Variants in SELENOP observed in about 807,000 individuals in gnomAD.
SELENOP encodes the protein selenoprotein P, plasma, 1.
Under a neutral mutation model 41.0 loss-of-function variants are expected in SELENOP, and 36 were observed. The observed-to-expected ratio is 0.88, with a 90% CI of 0.67 to 1.16. The LOEUF is 1.16. Among genes scored for constraint, SELENOP ranks in the 50% most tolerant of loss-of-function variants. The pLI is 0.00. For missense variants in SELENOP, 440 were observed against 454.2 expected, an observed-to-expected ratio of 0.97 and a Z score of 0.28; for synonymous variants, 144 against 150.8, an observed-to-expected ratio of 0.95 and a Z score of 0.33.
At chr5:42,801,486 T>A in intron 4 of SELENOP, 155 bp from the exon 5 acceptor site, 1 of 576,610 alleles carries the variant, frequency 1.7e-6, no homozygotes, top group East Asian at 2.9e-5. Flanking sequence ...CTGATGTTAG[T>A]CTCAACACCT....
At chr5:42,809,063 C>T (rs1760404806) in intron 1 of SELENOP, among the ~76,000 whole-genome samples, 1 of 152,074 alleles carries the variant, frequency 6.6e-6, no homozygotes. Context: ...TGGCTCATGT[C>T]GGGCCCTTAG....
chr5:42,804,700 T>G lies in SELENOP; in HGVS notation c.490A>C (p.Lys164Gln), dbSNP rs776453322. 2 of 1,610,230 alleles carry G rather than the reference T, an allele frequency of 1.2e-6. No homozygotes were observed. The highest frequency in any genetic ancestry group is 2.7e-5 in the African/African-American group (2 of 74,778). The change falls in exon 4 of 5, where the codon AAG becomes CAG. Residue 164 changes from lysine to glutamine, a missense_variant. Coordinates refer to ENST00000514985, the MANE Select transcript of SELENOP (RefSeq NM_005410.4). ...LTFPYVEEAI[K>Q]IAYCEKKCGN... is the part of the protein sequence containing the mutation. ...CATTTCTTTTCACAGTAAGCAATCT[T>G]AATGGCTTCTTCTACATATGGGAAA...
rs761109893 is a variant in SELENOP, at chr5:42,806,928, A to G, written c.384T>C (p.Asn128=). The change falls in exon 3 of 5, where the codon AAT becomes AAC. Residue 128 remains asparagine, a synonymous_variant. Coordinates refer to ENST00000514985, the MANE Select transcript of SELENOP (RefSeq NM_005410.4). ...ATATGAGGAAGTCATCTTTGCTTCC[A>G]TTTAAAAGAGTCCAGACATCTGTTT... ...ENQTDVWTLL[N]GSKDDFLIYD... 1 of 1,610,930 alleles carries G rather than the reference A, an allele frequency of 6.2e-7. No individual in the cohort carries two copies. Among genetic ancestry groups the G allele is most frequent in the African/African-American group, 1.3e-5 (1 of 75,024 alleles).
chr5:42,806,965 T>G lies in SELENOP; in HGVS notation c.347A>C (p.Gln116Pro), dbSNP rs1213435398. Residue 116 changes from glutamine (Q) to proline (P), a missense_variant, in exon 3 of 5, where the codon CAA becomes CCA. Gln to Pro is a moderately conservative substitution (Grantham distance 76). Transcript: ENST00000514985. ...CCAGACATCTGTTTGGTTTTCTTCT[T>G]GTTGATAAACAGGAATATGCTCTGA... ...KVSEHIPVYQQEENQTDVWTL... is the reference protein window; with the variant it reads ...KVSEHIPVYQPEENQTDVWTL... 6.2e-7 allele frequency: 1 copy of G among 1,612,472 alleles called. No individual in the cohort carries two copies. Among genetic ancestry groups the G allele is most frequent in the South Asian group, 1.1e-5 (1 of 90,942 alleles).
At position 42,800,769 on chromosome 5, in the gene SELENOP, C is replaced by G; in HGVS notation, c.1097G>C (p.Ser366Thr). Residue 366 changes from serine to threonine, a missense_variant, in exon 5 of 5, where the codon AGT becomes ACT. Coordinates refer to ENST00000514985, the MANE Select transcript of SELENOP (RefSeq NM_005410.4). ...TTTTGCCTGATTCTTTCAGCGTCAACTGGCACTGGCTTCTGTGGGTATAAG... is the reference window on the plus strand; with the variant it reads ...TTTTGCCTGATTCTTTCAGCGTCAAGTGGCACTGGCTTCTGTGGGTATAAG... ...QQLIPTEASA[S>T]URUKNQAKKU... 1 of 1,612,332 alleles carries G rather than the reference C, an allele frequency of 6.2e-7. No homozygotes were observed. Among genetic ancestry groups the G allele is most frequent in the Non-Finnish European group, 8.5e-7 (1 of 1,178,642 alleles).
intron 3 of SELENOP, 26 bp downstream of exon 3, chr5:42,806,870 G>A: frequency 7.7e-7 from 1 of 1,303,680 alleles, no homozygotes; most frequent in Non-Finnish European, 1.1e-6. Flanking sequence ...TTTAAATTTG[G>A]GATGTGTTTG....
At chr5:42,807,231 T>G (rs1004780712) in intron 2 of SELENOP, 123 bp from the exon 3 acceptor site, 20 of 538,444 alleles carry the variant, frequency 3.7e-5, no homozygotes, top group Non-Finnish European at 6.3e-5. Flanking sequence ...TAACCCATAC[T>G]GCACCTATTC....
chr5:42,800,752 G>T lies in SELENOP; in HGVS notation c.1114C>A (p.Gln372Lys), dbSNP rs1267181031. ...GAAGGTCATTCTCACTTTTTTGCCT[G>T]ATTCTTTCAGCGTCAACTGGCACTG... ...EASASURUKN[Q>K]AKKUEUPSN Residue 372 changes from glutamine (Q) to lysine (K), a missense_variant, in exon 5 of 5, where the codon CAG becomes AAG. Coordinates refer to ENST00000514985, the MANE Select transcript of SELENOP (RefSeq NM_005410.4). 9 of 1,605,842 alleles carry T rather than the reference G, an allele frequency of 5.6e-6. No homozygotes were observed. The highest frequency in any genetic ancestry group is 3.4e-5 in the Admixed American group (2 of 58,956).
rs946707673 is a variant in SELENOP at position 42,799,884 on chromosome 5, C to T, written c.*836G>A. 8.6e-6 allele frequency: 11 copies of T among 1,274,660 alleles called. No individual in the cohort carries two copies. In the Admixed American group the frequency reaches 1.3e-4, roughly 15 times the overall value. The allele number at this position is 1,274,660 out of a possible 1,614,324, so 79.0% of individuals were successfully genotyped here. A position where few individuals can be genotyped will look rare whatever the true frequency, so the allele number is the denominator to read the frequency against. On this transcript the variant is annotated 3_prime_UTR_variant, in exon 5 of 5. Coordinates refer to ENST00000514985, the MANE Select transcript of SELENOP (RefSeq NM_005410.4). ...CAGCCTACATAACAAACGAAGTCAG[C>T]TTTAAGGTTTTTATTGAATTTATTT...
In SELENOP at chr5:42,804,735, GA is replaced by G. The variant is rs1253541235; in HGVS notation, c.454del (p.Ser152ProfsTer?). ...TTCTACATATGGGAAAGTTAGGAAG[GA>G]AAAAGGCAAACCAAGATGATATACA... ...RLVYHLGLPF[S>X]FLTFPYVEEA... On this transcript the variant is annotated frameshift_variant, in exon 4 of 5. Transcript: ENST00000514985. LOFTEE classifies it high-confidence loss of function. The G allele has an allele frequency of 1.9e-6, 3 of 1,610,186 alleles. No homozygotes were observed. Among genetic ancestry groups the G allele is most frequent in the East Asian group, 2.2e-5 (1 of 44,726 alleles).
chr5:42,801,406 G>T, intron 4 of SELENOP, 75 bp from the exon 5 acceptor site: 1 of 1,133,098 alleles, frequency 8.8e-7, no homozygotes, highest in Non-Finnish European at 1.3e-6. Flanking sequence ...GATTTGTAGA[G>T]CTAACATGTG....
At chr5:42,806,470 ATG>A (rs1561285151) in intron 3 of SELENOP, 1 of 157,132 alleles carries the variant, frequency 6.4e-6, no homozygotes. Flanking sequence ...TCATCCTAAT[ATG>A]TGTTTTAATT....
intron 4 of SELENOP, among the ~76,000 whole-genome samples, chr5:42,802,795 G>A (rs1055891903): frequency 9.9e-5 from 15 of 152,140 alleles, no homozygotes; most frequent in Non-Finnish European, 4.4e-5. Context: ...ATTTTTAGTA[G>A]AGATGGGGTT....
Position 42,806,932 on chromosome 5 carries a change from A to G in SELENOP, c.380T>C (p.Leu127Ser). Residue 127 changes from leucine to serine, a missense_variant, in exon 3 of 5, where the codon TTA becomes TCA. Coordinates refer to ENST00000514985, the MANE Select transcript of SELENOP (RefSeq NM_005410.4). ...EENQTDVWTLLNGSKDDFLIY... is the reference protein window; with the variant it reads ...EENQTDVWTLSNGSKDDFLIY... ...GAGGAAGTCATCTTTGCTTCCATTT[A>G]AAAGAGTCCAGACATCTGTTTGGTT... 1.9e-6 allele frequency: 3 copies of G among 1,611,064 alleles called. No individual in the cohort carries two copies. The highest frequency in any genetic ancestry group is 2.5e-6 in the Non-Finnish European group (3 of 1,177,924).
At chr5:42,809,820 A>G in intron 1 of SELENOP, 1 of 909,754 alleles carries the variant, frequency 1.1e-6, no homozygotes, top group Non-Finnish European at 1.3e-6. Flanking sequence ...AGGTAGAGAG[A>G]GAGGACAAAT....
At position 42,800,586 on chromosome 5, in the gene SELENOP, CCAATT is replaced by C; in HGVS notation, c.*129_*133del. Reference sequence around the variant, plus strand: ...TGACATAAAATTTAAAATCTGGAAGCCAATTCAGTAGATTTCTCCATGTTTGCACA... The same window carrying C: ...TGACATAAAATTTAAAATCTGGAAGCCAGTAGATTTCTCCATGTTTGCACA... On this transcript the variant is annotated 3_prime_UTR_variant, in exon 5 of 5. Coordinates refer to ENST00000514985, the MANE Select transcript of SELENOP (RefSeq NM_005410.4). The C allele has an allele frequency of 9.2e-7, 1 of 1,087,270 alleles. No individual in the cohort carries two copies. Among genetic ancestry groups the C allele is most frequent in the Non-Finnish European group, 1.3e-6 (1 of 776,124 alleles). 67.4% of individuals were successfully genotyped at this position (1,087,270 alleles called of 1,614,324 possible).
At chr5:42,808,451 T>G in intron 1 of SELENOP, 85 bp from the exon 2 acceptor site, 2 of 451,530 alleles carry the variant, frequency 4.4e-6, no homozygotes, top group Non-Finnish European at 7.3e-6. Context: ...GCAGACATAA[T>G]TCCACTTCCT....
chr5:42,809,701 T>C (rs1561286639), intron 1 of SELENOP: 7 of 527,492 alleles, frequency 1.3e-5, no homozygotes, highest in Admixed American at 6.4e-5. Flanking sequence ...CTGGTAGATA[T>C]AGATAGAATT....
chr5:42,809,821 G>A lies in SELENOP; in HGVS notation c.-13-1455C>T, dbSNP rs984478429. ...GAGTGAGGTGAGAGAGGTAGAGAGA[G>A]AGGACAAATTAACTTACTTATTTAA... On this transcript the variant is annotated intron_variant, in intron 1 of 4. Coordinates refer to ENST00000514985, the MANE Select transcript of SELENOP (RefSeq NM_005410.4). 1.0e-5 allele frequency: 9 copies of A among 902,166 alleles called. No homozygotes were observed. In the African/African-American group the frequency reaches 1.3e-4, roughly 13 times the overall value. The allele number at this position is 902,166 out of a possible 1,614,324, so 55.9% of individuals were successfully genotyped here.
Sources: gnomAD v4.1 joint callset for allele counts (sites outside exome capture counted in the v4.1 genomes callset) on GRCh38, gnomAD v4.1.1 for gene constraint, MANE v1.5 for transcripts, NCBI Gene and HGNC (gene_info 2026-07-23, HGNC 2026-07-21) for gene names.